The following AGBL4 variants were observed in gnomAD, a reference collection of about 807,000 sequenced individuals.
AGBL4 encodes the protein cytosolic carboxypeptidase 6.
In AGBL4, 58 loss-of-function variants were observed where a neutral mutation model predicts 66.4. The observed-to-expected ratio is 0.87, with a 90% CI of 0.71 to 1.09. The LOEUF is 1.09. AGBL4 is among the 50% of genes least tolerant of loss of function. The pLI, the probability that AGBL4 is intolerant of heterozygous loss-of-function variation, is 0.00. For synonymous variants in AGBL4, 234 were observed against 222.9 expected (o/e 1.05, Z -0.44); for missense variants, 579 against 631.0 (o/e 0.92, Z 0.88).
intron 1 of AGBL4, among the ~76,000 whole-genome samples, chr1:49,929,997 C>T (rs996310774): frequency 6.6e-6 from 1 of 151,510 alleles, no homozygotes; most frequent in African/African-American, 2.4e-5. Context: ...ACTTAATAAA[C>T]AAAGAGAATA....
At chr1:49,819,647 A>G (rs974800904) in intron 2 of AGBL4, among the ~76,000 whole-genome samples, 5 of 152,214 alleles carry the variant, frequency 3.3e-5, no homozygotes, top group African/African-American at 1.2e-4. Flanking sequence ...GTGCTGGTAA[A>G]TGATATCCCA....
intron 5 of AGBL4, among the ~76,000 whole-genome samples, chr1:48,940,952 A>G (rs1234068621): frequency 6.6e-6 from 1 of 152,210 alleles, no homozygotes; most frequent in Non-Finnish European, 1.5e-5. Context: ...ACAAATACAC[A>G]GACATATTAG....
intron 5 of AGBL4, among the ~76,000 whole-genome samples, chr1:48,876,750 C>T (rs999787812): frequency 2.0e-5 from 3 of 152,226 alleles, no homozygotes; most frequent in Non-Finnish European, 4.4e-5. Context: ...AATACCTGTT[C>T]CCTGATAGGG....
At chr1:49,661,029 A>G (rs145436857) in intron 3 of AGBL4, among the ~76,000 whole-genome samples, 27 of 152,248 alleles carry the variant, frequency 1.8e-4, no homozygotes, top group African/African-American at 5.5e-4. Flanking sequence ...TGATGGGTTG[A>G]TAAGTGCAGC....
intron 1 of AGBL4, among the ~76,000 whole-genome samples, chr1:49,901,656 C>G (rs1372132911): frequency 1.3e-5 from 2 of 152,130 alleles, no homozygotes; most frequent in Non-Finnish European, 2.9e-5. Context: ...ATCAATCTAG[C>G]AATGACATTA....
chr1:49,921,153 T>G (rs937033699), intron 1 of AGBL4, among the ~76,000 whole-genome samples: 1 of 152,066 alleles, frequency 6.6e-6, no homozygotes, highest in Non-Finnish European at 1.5e-5. Flanking sequence ...GATGAGTTAA[T>G]GGGTGCAGCA....
At chr1:49,386,407 A>G (rs890986236) in intron 3 of AGBL4, among the ~76,000 whole-genome samples, 3 of 151,840 alleles carry the variant, frequency 2.0e-5, no homozygotes, top group African/African-American at 4.8e-5. Flanking sequence ...GTGGATTGAC[A>G]CTGAAAGATT....
At chr1:48,793,175 CCT>C (rs1414433987) in intron 6 of AGBL4, among the ~76,000 whole-genome samples, 3 of 152,282 alleles carry the variant, frequency 2.0e-5, no homozygotes, top group Admixed American at 6.5e-5. Flanking sequence ...TCCAGCTAAG[CCT>C]CTCTGCCAGA....
chr1:49,640,098 T>C (rs1313959699), intron 3 of AGBL4, among the ~76,000 whole-genome samples: 1 of 152,146 alleles, frequency 6.6e-6, no homozygotes, highest in Non-Finnish European at 1.5e-5. Flanking sequence ...AGGAGCTGTA[T>C]CTTCCCAAGG....
chr1:48,536,185 T>C (rs1325193382), intron 12 of AGBL4, among the ~76,000 whole-genome samples: 1 of 152,062 alleles, frequency 6.6e-6, no homozygotes, highest in East Asian at 1.9e-4. Flanking sequence ...GCTCACCATC[T>C]ACAAGCAGAA....
At chr1:48,865,180 G>A (rs2148822470) in intron 6 of AGBL4, among the ~76,000 whole-genome samples, 1 of 152,218 alleles carries the variant, frequency 6.6e-6, no homozygotes, top group Non-Finnish European at 1.5e-5. Context: ...CTCCTGGTGA[G>A]ATGTAGAATG....
At chr1:49,097,081 A>C (rs934703045) in intron 4 of AGBL4, among the ~76,000 whole-genome samples, 15 of 152,176 alleles carry the variant, frequency 9.9e-5, no homozygotes, top group Non-Finnish European at 2.1e-4. Flanking sequence ...TAAGAGAATA[A>C]AATTGTGTTG....
intron 3 of AGBL4, among the ~76,000 whole-genome samples, chr1:49,272,759 C>T (rs1644087665): frequency 6.6e-6 from 1 of 152,010 alleles, no homozygotes; most frequent in Non-Finnish European, 1.5e-5. Context: ...TCTATATACA[C>T]ACATGTATAT....
chr1:49,919,904 G>A (rs1652019960), intron 1 of AGBL4, among the ~76,000 whole-genome samples: 1 of 151,990 alleles, frequency 6.6e-6, no homozygotes, highest in African/African-American at 2.4e-5. Context: ...TAGATCAATG[G>A]AACAGAACAG....
intron 2 of AGBL4, among the ~76,000 whole-genome samples, chr1:49,702,513 C>T (rs1571360142): frequency 6.6e-6 from 1 of 151,716 alleles, no homozygotes; most frequent in Admixed American, 6.6e-5. Context: ...AAAATAACAC[C>T]AATTCTTCAC....
intron 2 of AGBL4, among the ~76,000 whole-genome samples, chr1:49,837,954 C>A (rs1046839445): frequency 1.3e-5 from 2 of 152,174 alleles, no homozygotes; most frequent in Non-Finnish European, 2.9e-5. Flanking sequence ...TCCAACCCCA[C>A]CATTTATAGT....
chr1:50,020,206 G>T (rs1487338438), intron 1 of AGBL4, among the ~76,000 whole-genome samples: 5 of 151,948 alleles, frequency 3.3e-5, no homozygotes, highest in African/African-American at 1.2e-4. Flanking sequence ...CAGCAAAGCA[G>T]TGAAAAACCA....
At chr1:49,935,981 G>A (rs1021899793) in intron 1 of AGBL4, among the ~76,000 whole-genome samples, 3 of 152,222 alleles carry the variant, frequency 2.0e-5, no homozygotes, top group African/African-American at 7.2e-5. Context: ...AACAACGCTG[G>A]AGGGAGAATG....
At chr1:49,980,792 T>G (rs1279679151) in intron 1 of AGBL4, among the ~76,000 whole-genome samples, 1 of 152,208 alleles carries the variant, frequency 6.6e-6, no homozygotes, top group East Asian at 1.9e-4. Flanking sequence ...AATAGACACT[T>G]TTAAAGCTAA....
Sources: gnomAD v4.1 joint callset for allele counts (sites outside exome capture counted in the v4.1 genomes callset) on GRCh38, gnomAD v4.1.1 for gene constraint, MANE v1.5 for transcripts, NCBI Gene and HGNC (gene_info 2026-07-23, HGNC 2026-07-21) for gene names.